NRXN3: variants seen among roughly 807,000 people sequenced by gnomAD.
NRXN3 encodes the protein neurexin III.
NRXN3 carries 32 observed loss-of-function variants against 137.6 expected under a neutral mutation model. That is an observed-to-expected ratio of 0.23 (90% CI 0.18 to 0.31). NRXN3 has a LOEUF of 0.31. NRXN3 is among the 10% of genes least tolerant of loss of function. The pLI is 1.00. For missense variants in NRXN3, 1,574 were observed against 2,062.5 expected (o/e 0.76, Z 4.59); for synonymous variants, 798 against 784.5 (o/e 1.02, Z -0.29).
At chr14:78,194,701 A>G (rs978536793) in intron 1 of NRXN3, among the ~76,000 whole-genome samples, 1 of 152,200 alleles carries the variant, frequency 6.6e-6, no homozygotes, top group African/African-American at 2.4e-5. Flanking sequence ...GAGGGGCTCC[A>G]GAGGCGGATG....
chr14:79,833,178 G>A (rs555830531), intron 20 of NRXN3, among the ~76,000 whole-genome samples: 8 of 152,188 alleles, frequency 5.3e-5, no homozygotes, highest in Admixed American at 3.3e-4. Flanking sequence ...TTGTACCTGA[G>A]GTTGGGTTCA....
At chr14:79,153,143 C>A (rs1182221760) in intron 15 of NRXN3, among the ~76,000 whole-genome samples, 20 of 151,902 alleles carry the variant, frequency 1.3e-4, no homozygotes, top group Admixed American at 1.1e-3. Context: ...TCCGGAAAAA[C>A]TCATCTTAAA....
chr14:79,376,490 G>A lies in NRXN3; in HGVS notation c.3263-90731G>A, dbSNP rs78489924. Among the ~76,000 whole-genome samples, 571 of 152,006 alleles carry A rather than the reference G, an allele frequency of 3.8e-3. 2 individuals carry two copies. Among genetic ancestry groups the A allele is most frequent in the African/African-American group, 0.013 (527 of 41,462 alleles). On this transcript the variant is annotated intron_variant, in intron 15 of 20. Transcript: ENST00000335750. ...GACTGCATCTCTGATTCTCTAAGAA[G>A]CATGGAAGAGAAAGAAATGGGAAAC...
chr14:78,295,017 G>T (rs1469939803), intron 3 of NRXN3, among the ~76,000 whole-genome samples: 1 of 152,122 alleles, frequency 6.6e-6, no homozygotes, highest in Non-Finnish European at 1.5e-5. Context: ...GCAACAAGTA[G>T]GAGTGTTTTG....
intron 4 of NRXN3, among the ~76,000 whole-genome samples, chr14:78,577,229 T>C (rs1442997748): frequency 6.6e-6 from 1 of 152,218 alleles, no homozygotes; most frequent in Non-Finnish European, 1.5e-5. Flanking sequence ...CTTTTAACTT[T>C]GCTGCCTACA....
At chr14:79,469,723 A>G (rs1293104838) in intron 16 of NRXN3, among the ~76,000 whole-genome samples, 2 of 152,176 alleles carry the variant, frequency 1.3e-5, no homozygotes, top group East Asian at 1.9e-4. Context: ...AAAGGAAAAA[A>G]GGATCCTATG....
chr14:79,830,646 T>C (rs2099320418), intron 20 of NRXN3, among the ~76,000 whole-genome samples: 1 of 152,194 alleles, frequency 6.6e-6, no homozygotes, highest in Admixed American at 6.6e-5. Flanking sequence ...GGCATACTAT[T>C]CAATGGCACC....
rs888028898 is a variant in NRXN3, at chr14:79,726,945, G to A, written c.4014+29008G>A. On this transcript the variant is annotated intron_variant, in intron 19 of 20. Coordinates refer to ENST00000335750, the MANE Select transcript of NRXN3 (RefSeq NM_001330195.2). ...AATTCTAACATCAAGGAGAAGCCACGTGCTTTGGCAAAGTTTGTGTATTTA... is the reference window on the plus strand; with the variant it reads ...AATTCTAACATCAAGGAGAAGCCACATGCTTTGGCAAAGTTTGTGTATTTA... Among the ~76,000 whole-genome samples the A allele has an allele frequency of 3.3e-5, 5 of 152,094 alleles. 1 individual carries two copies. The highest frequency in any genetic ancestry group is 5.9e-5 in the Non-Finnish European group (4 of 68,012).
intron 8 of NRXN3, among the ~76,000 whole-genome samples, chr14:78,773,728 C>A (rs1313300775): frequency 6.6e-6 from 1 of 152,150 alleles, no homozygotes; most frequent in African/African-American, 2.4e-5. Context: ...AACTAAAACA[C>A]AATTATTTAT....
At chr14:78,552,418 C>T (rs1483871738) in intron 4 of NRXN3, among the ~76,000 whole-genome samples, 1 of 152,212 alleles carries the variant, frequency 6.6e-6, no homozygotes. Context: ...GGCTATTCAG[C>T]AGCATTGTTC....
At position 79,670,865 on chromosome 14, in the gene NRXN3, A is replaced by G. The variant is rs116724667; in HGVS notation, c.3616+6916A>G. 5.3e-3 allele frequency among the ~76,000 whole-genome samples: 813 copies of G among 152,264 alleles called. 6 individuals carry two copies. Among genetic ancestry groups the G allele is most frequent in the African/African-American group, 0.019 (790 of 41,578 alleles). On this transcript the variant is annotated intron_variant, in intron 17 of 20. Transcript: ENST00000335750. ...TTTTTATCTTGACTTTCTACAATGA[A>G]GTTTACTTATGAAAGGTGAGAATAG...
At chr14:79,233,952 G>T (rs1162727482) in intron 15 of NRXN3, among the ~76,000 whole-genome samples, 1 of 151,996 alleles carries the variant, frequency 6.6e-6, no homozygotes, top group Non-Finnish European at 1.5e-5. Flanking sequence ...AAGGAAGGAT[G>T]TAAATAATTT....
rs560861746 is a variant in NRXN3 at position 78,928,407 on chromosome 14, G to A, written c.2276-28835G>A. ...GTTGGTGTGCCGCACCCAGTAACTC[G>A]TCATTTAACATTAGGTATATCTCCT... is the stretch of plus-strand genomic sequence containing the variant. On this transcript the variant is annotated intron_variant, in intron 10 of 20. Coordinates refer to ENST00000335750, the MANE Select transcript of NRXN3 (RefSeq NM_001330195.2). Among the ~76,000 whole-genome samples the A allele has an allele frequency of 1.4e-4, 22 of 152,062 alleles. 1 individual carries two copies. The South Asian group carries it at 2.3e-3, about 16-fold the overall frequency.
chr14:79,056,526 T>C (rs1003205477), intron 15 of NRXN3, among the ~76,000 whole-genome samples: 4 of 152,152 alleles, frequency 2.6e-5, no homozygotes, highest in African/African-American at 9.7e-5. Flanking sequence ...GCTATGGAAA[T>C]TAATCCTGTC....
chr14:79,262,518 G>T (rs1481720551), intron 15 of NRXN3, among the ~76,000 whole-genome samples: 2 of 150,856 alleles, frequency 1.3e-5, no homozygotes, highest in Non-Finnish European at 3.0e-5. Flanking sequence ...GGAGGAGGAG[G>T]AAAGAGGATG....
At chr14:79,437,569 C>A (rs1567125942) in intron 15 of NRXN3, among the ~76,000 whole-genome samples, 1 of 152,088 alleles carries the variant, frequency 6.6e-6, no homozygotes, top group Non-Finnish European at 1.5e-5. Context: ...TTGTTAAGAC[C>A]CCCATCTGTC....
At chr14:79,765,802 A>C (rs1313649397) in intron 19 of NRXN3, among the ~76,000 whole-genome samples, 1 of 152,214 alleles carries the variant, frequency 6.6e-6, no homozygotes, top group Non-Finnish European at 1.5e-5. Flanking sequence ...CCATATGTTT[A>C]ACATGACCAG....
chr14:78,516,410 G>A (rs2096208834), intron 4 of NRXN3, among the ~76,000 whole-genome samples: 1 of 108,826 alleles, frequency 9.2e-6, no homozygotes, highest in African/African-American at 3.0e-5. Flanking sequence ...TGGCTGTGGA[G>A]AGTATAGATG....
chr14:79,578,400 CAT>C (rs760273241), intron 16 of NRXN3, among the ~76,000 whole-genome samples: 3 of 152,132 alleles, frequency 2.0e-5, no homozygotes, highest in East Asian at 1.9e-4. Flanking sequence ...AGCACATACA[CAT>C]GATTGCCCAT....
Sources: gnomAD v4.1 joint callset for allele counts (sites outside exome capture counted in the v4.1 genomes callset) on GRCh38, gnomAD v4.1.1 for gene constraint, MANE v1.5 for transcripts, NCBI Gene and HGNC (gene_info 2026-07-23, HGNC 2026-07-21) for gene names.